The following STT3B variants were observed in gnomAD, a reference collection of about 807,000 sequenced individuals.
The protein encoded by STT3B is dolichyl-diphosphooligosaccharide--protein glycosyltransferase subunit STT3B.
Under a neutral mutation model 96.8 loss-of-function variants are expected in STT3B, and 29 were observed. That is an observed-to-expected ratio of 0.30 (90% CI 0.22 to 0.41). STT3B has a LOEUF of 0.41. Ranked by LOEUF, STT3B falls within the 10% of genes least tolerant of loss-of-function variation. STT3B has a pLI of 1.00. For synonymous variants in STT3B, 367 were observed against 360.0 expected, an observed-to-expected ratio of 1.02 and a Z score of -0.22; for missense variants, 640 against 1,022.3, an observed-to-expected ratio of 0.63 and a Z score of 5.10.
At chr3:31,616,906 A>T in intron 6 of STT3B, 23 bp from the exon 7 acceptor site, 17 of 1,584,272 alleles carry the variant, frequency 1.1e-5, no homozygotes, top group Non-Finnish European at 1.5e-5. Context: ...TTTGTTGATT[A>T]TGTGACCCTT....
intron 15 of STT3B, among the ~76,000 whole-genome samples, chr3:31,634,905 TAAC>T (rs1348252004): frequency 1.3e-5 from 2 of 152,214 alleles, no homozygotes; most frequent in African/African-American, 2.4e-5. Context: ...TGTGCCTTAA[TAAC>T]ATCAGTTTAA....
chr3:31,614,406 A>G (rs756540246), intron 5 of STT3B, among the ~76,000 whole-genome samples: 15 of 151,956 alleles, frequency 9.9e-5, no homozygotes, highest in Non-Finnish European at 2.1e-4. Context: ...CAAATTGTAA[A>G]TCCCTCCCCA....
intron 1 of STT3B, among the ~76,000 whole-genome samples, chr3:31,576,124 A>G (rs1027383322): frequency 1.3e-5 from 2 of 151,860 alleles, no homozygotes; most frequent in Non-Finnish European, 2.9e-5. Flanking sequence ...AGATTTATGA[A>G]CTTCTTTATA....
rs143950703 is a variant in STT3B, at chr3:31,622,167, A to T, written c.1398A>T (p.Pro466=). ...VMVRLMLTLT[P]VVCMLSAIAF... is the part of the protein sequence containing the mutation. ...TGCGACTGATGTTGACTTTGACTCC[A>T]GTCGTGTGTATGCTGTCTGCAATTG... The change falls in exon 10 of 16, where the codon CCA becomes CCT. Residue 466 remains proline (P), a synonymous_variant. Transcript: ENST00000295770. The T allele has an allele frequency of 6.2e-7, 1 of 1,614,142 alleles. No homozygotes were observed. Among genetic ancestry groups the T allele is most frequent in the South Asian group, 1.1e-5 (1 of 91,084 alleles).
At chr3:31,556,431 C>A (rs1027911414) in intron 1 of STT3B, among the ~76,000 whole-genome samples, 1 of 152,128 alleles carries the variant, frequency 6.6e-6, no homozygotes, top group Admixed American at 6.5e-5. Flanking sequence ...AGTGGGGTTG[C>A]TGGATTATAT....
At chr3:31,631,784 T>TAA (rs36120315) in intron 14 of STT3B, among the ~76,000 whole-genome samples, 1 of 144,726 alleles carries the variant, frequency 6.9e-6, no homozygotes, top group African/African-American at 2.5e-5. Context: ...AGTCTCTGTT[T>TAA]AAAAAAAAAA....
chr3:31,632,921 T>C lies in STT3B; in HGVS notation c.2188-14T>C, dbSNP rs770933664. 6 of 1,611,842 alleles carry C rather than the reference T, an allele frequency of 3.7e-6. No homozygotes were observed. Among genetic ancestry groups the C allele is most frequent in the Non-Finnish European group, 5.1e-6 (6 of 1,178,396 alleles). On this transcript the variant is annotated splice_polypyrimidine_tract_variant and intron_variant, in intron 14 of 15. Coordinates refer to ENST00000295770, the MANE Select transcript of STT3B (RefSeq NM_178862.3). Reference sequence around the variant, plus strand: ...CAATATGGTTAACACCCAATAATAATGTCACTTTTGCAGCTGGATTTTCGT... The same window carrying C: ...CAATATGGTTAACACCCAATAATAACGTCACTTTTGCAGCTGGATTTTCGT...
chr3:31,618,090 TTC>T (rs1699349046), intron 8 of STT3B, 102 bp downstream of exon 8: 1 of 796,742 alleles, frequency 1.3e-6, no homozygotes, highest in Non-Finnish European at 2.2e-6. Flanking sequence ...TGGGCAACAC[TTC>T]TAAGTACCAA....
intron 1 of STT3B, among the ~76,000 whole-genome samples, chr3:31,557,748 T>C (rs1697755426): frequency 6.6e-6 from 1 of 152,200 alleles, no homozygotes; most frequent in Non-Finnish European, 1.5e-5. Flanking sequence ...TTGTCCTGCC[T>C]CGGCCTCCCG....
intron 5 of STT3B, among the ~76,000 whole-genome samples, chr3:31,611,504 C>A (rs933246359): frequency 1.3e-5 from 2 of 152,042 alleles, no homozygotes; most frequent in Admixed American, 6.6e-5. Context: ...GATTGTGTTT[C>A]TTTATTTATT....
chr3:31,624,891 AAG>A (rs760917739), intron 11 of STT3B, 21 bp from the exon 12 acceptor site: 70 of 1,589,794 alleles, frequency 4.4e-5, no homozygotes, highest in Admixed American at 1.4e-4. Context: ...TCTCATTTAA[AAG>A]AGTATTGTGA....
At chr3:31,561,901 A>G (rs1028407611) in intron 1 of STT3B, among the ~76,000 whole-genome samples, 6 of 151,904 alleles carry the variant, frequency 3.9e-5, no homozygotes, top group Non-Finnish European at 7.4e-5. Context: ...TTTTTTCTGT[A>G]AACAGCATTA....
chr3:31,580,157 T>C (rs562886193), intron 3 of STT3B, 61 bp downstream of exon 3: 43 of 1,518,454 alleles, frequency 2.8e-5, no homozygotes, highest in Middle Eastern at 2.3e-4. Context: ...TGAAACACTT[T>C]AGGCTGTACG....
chr3:31,583,516 T>C (rs1485563985), intron 3 of STT3B, among the ~76,000 whole-genome samples: 1 of 152,090 alleles, frequency 6.6e-6, no homozygotes, highest in East Asian at 1.9e-4. Context: ...AGAGTTAAAG[T>C]CTGTCTTTTC....
At chr3:31,591,628 G>A (rs901758322) in intron 3 of STT3B, among the ~76,000 whole-genome samples, 2 of 151,936 alleles carry the variant, frequency 1.3e-5, no homozygotes, top group African/African-American at 2.4e-5. Context: ...TAGCAGCTTT[G>A]CTCCAACACA....
intron 3 of STT3B, among the ~76,000 whole-genome samples, chr3:31,594,267 C>G (rs991749129): frequency 2.0e-5 from 3 of 152,104 alleles, no homozygotes; most frequent in African/African-American, 7.2e-5. Flanking sequence ...GGTGTCCTCC[C>G]TATCATTTCT....
At chr3:31,615,009 A>G (rs1699274853) in intron 5 of STT3B, 96 bp from the exon 6 acceptor site, 1 of 635,150 alleles carries the variant, frequency 1.6e-6, no homozygotes, top group African/African-American at 1.9e-5. Flanking sequence ...AAATTCAGTT[A>G]ATACTTTGCT....
intron 3 of STT3B, among the ~76,000 whole-genome samples, chr3:31,590,503 A>G (rs141282718): frequency 3.0e-3 from 454 of 152,056 alleles, no homozygotes; most frequent in Non-Finnish European, 4.0e-3. Flanking sequence ...CATGTGGTTG[A>G]ATATTCTTCG....
At chr3:31,564,557 G>A (rs76439166) in intron 1 of STT3B, among the ~76,000 whole-genome samples, 6,649 of 152,116 alleles carry the variant, frequency 0.044, 376 homozygotes, top group East Asian at 0.32. Context: ...TAATAACAAA[G>A]GTATTTAAGG....
Sources: gnomAD v4.1 joint callset for allele counts (sites outside exome capture counted in the v4.1 genomes callset) on GRCh38, gnomAD v4.1.1 for gene constraint, MANE v1.5 for transcripts, NCBI Gene and HGNC (gene_info 2026-07-23, HGNC 2026-07-21) for gene names.